SLC10A6: variants seen among roughly 807,000 people sequenced by gnomAD.
SLC10A6 encodes sodium-dependent organic anion transporter.
SLC10A6 carries 27 observed loss-of-function variants against 30.0 expected under a neutral mutation model. The observed-to-expected ratio is 0.90, with a 90% confidence interval of 0.66 to 1.24. The LOEUF is 1.24. Among genes scored for constraint, SLC10A6 ranks in the 50% most tolerant of loss-of-function variants. The pLI, the probability that SLC10A6 is intolerant of heterozygous loss-of-function variation, is 0.00. For synonymous variants in SLC10A6, 166 were observed against 173.8 expected, an observed-to-expected ratio of 0.95 and a Z score of 0.36; for missense variants, 439 against 457.0, an observed-to-expected ratio of 0.96 and a Z score of 0.36.
At chr4:86,833,230 T>C (rs1746116487) in intron 2 of SLC10A6, 76 bp downstream of exon 2, 1 of 1,160,924 alleles carries the variant, frequency 8.6e-7, no homozygotes, top group South Asian at 1.4e-5. Flanking sequence ...GCATAAAGAG[T>C]TATATAATTA....
chr4:86,825,576 A>C lies in SLC10A6; in HGVS notation c.763T>G (p.Cys255Gly), dbSNP rs1745966993. The C allele has an allele frequency of 1.3e-5, 20 of 1,581,088 alleles. No homozygotes were observed. Among genetic ancestry groups the C allele is most frequent in the Admixed American group, 1.7e-5 (1 of 59,166 alleles). The change falls in exon 5 of 6, where the codon TGC (cysteine) becomes GGC (glycine). Residue 255 changes from cysteine (C) to glycine (G), a missense_variant and splice_region_variant. Coordinates refer to ENST00000273905, the MANE Select transcript of SLC10A6 (RefSeq NM_197965.3). ...CCAGTTTCTAAGGAAATTGTCCTGC[A>C]CCTACCAAAAAGAAAATGTTTCAAG... is the stretch of plus-strand genomic sequence containing the variant. ...ALFTHQSWQR[C>G]RTISLETGAQ...
intron 2 of SLC10A6, 40 bp from the exon 3 acceptor site, chr4:86,831,920 ACCC>A: frequency 6.6e-7 from 1 of 1,511,508 alleles, no homozygotes; most frequent in Non-Finnish European, 9.1e-7. Context: ...TTTCCCTCTC[ACCC>A]TGACTGCACA....
At chr4:86,824,574 A>G (rs1745943575) in intron 5 of SLC10A6, among the ~76,000 whole-genome samples, 1 of 133,580 alleles carries the variant, frequency 7.5e-6, no homozygotes, top group Non-Finnish European at 1.6e-5. Flanking sequence ...GTGAACATAT[A>G]TATTTTTTTT....
intron 1 of SLC10A6, among the ~76,000 whole-genome samples, chr4:86,837,269 AAGAAAGAAAGAAAGAAAAAG>A (rs1746206625): frequency 1.8e-5 from 2 of 110,708 alleles, no homozygotes; most frequent in South Asian, 5.6e-4. Context: ...GAAAGAAAGA[AAGAAAGAAAGAAAGAAAAAG>A]AAAGGAAGGA....
At chr4:86,837,219 GAGAGAGAGAA>G (rs1379798931) in intron 1 of SLC10A6, among the ~76,000 whole-genome samples, 82 of 117,740 alleles carry the variant, frequency 7.0e-4, no homozygotes, top group Admixed American at 9.2e-4. Context: ...GAGAGAGAGA[GAGAGAGAGAA>G]AGAAAGAAAG....
chr4:86,842,874 C>CTTTCTTTCTTTCTTTCTT (rs1560461934), intron 1 of SLC10A6, among the ~76,000 whole-genome samples: 2 of 42,788 alleles, frequency 4.7e-5, no homozygotes, highest in Non-Finnish European at 8.1e-5. Context: ...TTCTTTCTTT[C>CTTTCTTTCTTTCTTTCTT]TTTTTTTTTT....
intron 4 of SLC10A6, 23 bp downstream of exon 4, chr4:86,827,970 G>T (rs770592330): frequency 2.5e-6 from 4 of 1,605,308 alleles, no homozygotes; most frequent in Admixed American, 3.4e-5. Flanking sequence ...CCTCAAAAAA[G>T]TTTATGGATA....
At chr4:86,845,317 A>T (rs1300813773) in intron 1 of SLC10A6, among the ~76,000 whole-genome samples, 2 of 152,194 alleles carry the variant, frequency 1.3e-5, no homozygotes, top group African/African-American at 4.8e-5. Context: ...AGTGTGAGAT[A>T]TGCTCAGAGA....
At chr4:86,825,814 A>G (rs542754627) in intron 4 of SLC10A6, among the ~76,000 whole-genome samples, 1 of 152,356 alleles carries the variant, frequency 6.6e-6, no homozygotes, top group Non-Finnish European at 1.5e-5. Flanking sequence ...ATAAACACAC[A>G]GGAGAGGTTC....
At chr4:86,837,201 TAGAGAGAGAGAG>T (rs369585953) in intron 1 of SLC10A6, among the ~76,000 whole-genome samples, 1 of 104,312 alleles carries the variant, frequency 9.6e-6, no homozygotes, top group Non-Finnish European at 1.7e-5. Flanking sequence ...ATGGTGCATG[TAGAGAGAGAGAG>T]AGAGAGAGAG....
At position 86,823,735 on chromosome 4, in the gene SLC10A6, A is replaced by AC; in HGVS notation, c.1086_1087insG (p.Cys363ValfsTer15). The AC allele has an allele frequency of 6.2e-7, 1 of 1,613,996 alleles. No homozygotes were observed. The highest frequency in any genetic ancestry group is 1.1e-5 in the South Asian group (1 of 91,034). ...CCAACTGGCTCGAGAGCCCTGTGGC[A>AC]ATCCATTGGCCCTGGTGGCCCAGGA... On this transcript the variant is annotated frameshift_variant, in exon 6 of 6. Transcript: ENST00000273905. LOFTEE classifies it low-confidence loss of function (END_TRUNC).
At chr4:86,841,053 T>C (rs895600408) in intron 1 of SLC10A6, among the ~76,000 whole-genome samples, 2 of 152,216 alleles carry the variant, frequency 1.3e-5, no homozygotes, top group African/African-American at 4.8e-5. Context: ...TCTATGATAG[T>C]GCTACATTCC....
intron 1 of SLC10A6, among the ~76,000 whole-genome samples, chr4:86,842,716 A>G (rs1256389938): frequency 1.1e-5 from 1 of 93,582 alleles, no homozygotes; most frequent in Non-Finnish European, 1.9e-5. Context: ...AAAAAAGAAA[A>G]GAAAAGAAAA....
At chr4:86,827,545 T>C (rs1474479516) in intron 4 of SLC10A6, among the ~76,000 whole-genome samples, 1 of 152,228 alleles carries the variant, frequency 6.6e-6, no homozygotes, top group Non-Finnish European at 1.5e-5. Flanking sequence ...TAGTAATTTT[T>C]TTCTGCTTTT....
At chr4:86,825,800 C>A (rs572036541) in intron 4 of SLC10A6, among the ~76,000 whole-genome samples, 1 of 152,088 alleles carries the variant, frequency 6.6e-6, no homozygotes. Context: ...AGTAAAAAGA[C>A]AAGATAAACA....
Position 86,848,914 on chromosome 4 carries a change from T to C in SLC10A6, c.202A>G (p.Ile68Val), listed in dbSNP as rs767539347. 11 of 1,614,038 alleles carry C rather than the reference T, an allele frequency of 6.8e-6. No individual in the cohort carries two copies. The highest frequency in any genetic ancestry group is 3.3e-5 in the Admixed American group (2 of 59,996). The change falls in exon 1 of 6, where the codon ATT (isoleucine) becomes GTT (valine). Residue 68 changes from isoleucine (I) to valine (V), a missense_variant. Ile to Val is a conservative substitution (Grantham distance 29). Coordinates refer to ENST00000273905, the MANE Select transcript of SLC10A6 (RefSeq NM_197965.3). ...AACTGGCAGAGCAGTCCCACAGCAA[T>C]GCCCCAGGGTCTCCTGATGTGCGAC... ...LWSHIRRPWGIAVGLLCQFGL... is the reference protein window; with the variant it reads ...LWSHIRRPWGVAVGLLCQFGL...
intron 3 of SLC10A6, among the ~76,000 whole-genome samples, chr4:86,830,932 C>T (rs898435682): frequency 2.0e-5 from 3 of 152,168 alleles, no homozygotes; most frequent in Admixed American, 6.5e-5. Flanking sequence ...CCCTAGGAGA[C>T]TCACACCATT....
At chr4:86,840,732 C>T (rs764668503) in intron 1 of SLC10A6, among the ~76,000 whole-genome samples, 2 of 152,146 alleles carry the variant, frequency 1.3e-5, no homozygotes, top group Non-Finnish European at 2.9e-5. Flanking sequence ...TCTGGAAATT[C>T]TCTTCTAGCT....
intron 3 of SLC10A6, among the ~76,000 whole-genome samples, chr4:86,828,859 C>T (rs937792753): frequency 1.3e-5 from 2 of 152,018 alleles, no homozygotes; most frequent in African/African-American, 4.8e-5. Flanking sequence ...GAAAGCATAA[C>T]CTAGGGTATT....
Sources: gnomAD v4.1 joint callset for allele counts (sites outside exome capture counted in the v4.1 genomes callset) on GRCh38, gnomAD v4.1.1 for gene constraint, MANE v1.5 for transcripts, NCBI Gene and HGNC (gene_info 2026-07-23, HGNC 2026-07-21) for gene names.